The following VPS72 variants were observed in gnomAD, a reference collection of about 807,000 sequenced individuals.
VPS72 encodes vacuolar protein sorting 72 homolog.
VPS72 carries 27 observed loss-of-function variants against 38.9 expected under a neutral mutation model. That is an observed-to-expected ratio of 0.69 (90% CI 0.51 to 0.96). The LOEUF (loss-of-function observed/expected upper bound fraction) is 0.96, where lower values mean the gene tolerates loss of function less well. VPS72 is among the 40% of genes least tolerant of loss of function. VPS72 has a pLI of 0.00. For synonymous variants in VPS72, 173 were observed against 186.3 expected (o/e 0.93, Z 0.58); for missense variants, 360 against 479.5 (o/e 0.75, Z 2.33).
At position 151,184,325 on chromosome 1, in the gene VPS72, C is replaced by T. The variant is rs746057484; in HGVS notation, c.554G>A (p.Arg185Gln). The T allele has an allele frequency of 1.4e-5, 22 of 1,613,962 alleles. No homozygotes were observed. Among genetic ancestry groups the T allele is most frequent in the South Asian group, 1.1e-4 (10 of 91,076 alleles). ...TGAAACCACAGACTTACCCAGTGACCGTAAATTAAGCTCTTCTGTGATCTT... is the reference window on the plus strand; with the variant it reads ...TGAAACCACAGACTTACCCAGTGACTGTAAATTAAGCTCTTCTGTGATCTT... ...EAKITEELNL[R>Q]SLETYERLEA... The change falls in exon 4 of 6, where the codon CGG (arginine) becomes CAG (glutamine). Residue 185 changes from arginine (R) to glutamine (Q), a missense_variant. Physicochemically the swap from Arg to Gln is conservative, Grantham distance 43 (BLOSUM62 1). Transcript: ENST00000368892.
intron 4 of VPS72, among the ~76,000 whole-genome samples, chr1:151,180,658 G>C (rs1489968988): frequency 6.6e-6 from 1 of 152,070 alleles, no homozygotes; most frequent in Non-Finnish European, 1.5e-5. Context: ...GGATGGTCTG[G>C]AACTCCTGAC....
chr1:151,178,001 C>T lies in VPS72; in HGVS notation c.707G>A (p.Gly236Glu). The T allele has an allele frequency of 6.2e-7, 1 of 1,613,544 alleles. No homozygotes were observed. The highest frequency in any genetic ancestry group is 8.5e-7 in the Non-Finnish European group (1 of 1,179,786). ...GPKEENVDIE[G>E]LDPAPSVSAL... ...TCTTTTCCTCTTGAGATTCACTCAC[C>T]CTTCTATGTCAACGTTCTCTTCCTT... is the stretch of plus-strand genomic sequence containing the variant. Residue 236 changes from glycine (G) to glutamate (E), a missense_variant and splice_region_variant, in exon 5 of 6, where the codon GGA becomes GAA. This residue lies in a region of VPS72 where 294 missense variants were observed against 356.3 expected (regional missense o/e 0.83). Coordinates refer to ENST00000368892, the MANE Select transcript of VPS72 (RefSeq NM_005997.3).
chr1:151,184,288 A>C (rs765682395), intron 4 of VPS72, 29 bp downstream of exon 4: 4 of 1,608,530 alleles, frequency 2.5e-6, no homozygotes, highest in Non-Finnish European at 3.4e-6. Flanking sequence ...CAGCCCCTCT[A>C]CTCACTTTTT....
At chr1:151,180,715 C>T (rs1248752502) in intron 4 of VPS72, among the ~76,000 whole-genome samples, 3 of 152,150 alleles carry the variant, frequency 2.0e-5, no homozygotes, top group African/African-American at 7.2e-5. Flanking sequence ...GGATTACAGG[C>T]GTGAGCCACC....
In VPS72 at chr1:151,176,359, T is replaced by C. The variant is rs1684097067; in HGVS notation, c.*285A>G. 2 of 394,140 alleles carry C rather than the reference T, an allele frequency of 5.1e-6. No individual in the cohort carries two copies. Among genetic ancestry groups the C allele is most frequent in the Admixed American group, 8.5e-5 (2 of 23,448 alleles). The allele number at this position is 394,140 out of a possible 1,614,324, so 24.4% of individuals were successfully genotyped here. On this transcript the variant is annotated 3_prime_UTR_variant, in exon 6 of 6. Coordinates refer to ENST00000368892, the MANE Select transcript of VPS72 (RefSeq NM_005997.3). ...TTTAGTTGGAGGAATGAATACAATT[T>C]AGAAAGGACAGCTCATAATAAATGC...
chr1:151,186,580 G>A (rs932525717), intron 1 of VPS72, among the ~76,000 whole-genome samples: 6 of 151,706 alleles, frequency 4.0e-5, no homozygotes, highest in Non-Finnish European at 7.4e-5. Flanking sequence ...AAAAAAAAAG[G>A]ATGAAGAGGA....
At chr1:151,183,843 G>C (rs1488750035) in intron 4 of VPS72, among the ~76,000 whole-genome samples, 1 of 151,514 alleles carries the variant, frequency 6.6e-6, no homozygotes. Flanking sequence ...CTAATCTGCT[G>C]ACTTCACGTT....
In VPS72 at chr1:151,185,806, C is replaced by T; in HGVS notation, c.262G>A (p.Ala88Thr). ...TAGGACTCCCCCTGTACCTTATAGGCCTTGGTGACTACTCGGCGCTTCCTT... is the reference window on the plus strand; with the variant it reads ...TAGGACTCCCCCTGTACCTTATAGGTCTTGGTGACTACTCGGCGCTTCCTT... The part of the protein sequence containing the change: ...PRRKRRVVTK[A>T]YKEPLKSLRP... Residue 88 changes from alanine to threonine, a missense_variant, in exon 2 of 6, where the codon GCC becomes ACC. Physicochemically the swap from Ala to Thr is moderately conservative, Grantham distance 58 (BLOSUM62 0). This residue lies in a region of VPS72 where 66 missense variants were observed against 123.1 expected (regional missense o/e 0.54). Coordinates refer to ENST00000368892, the MANE Select transcript of VPS72 (RefSeq NM_005997.3). The T allele has an allele frequency of 3.1e-6, 5 of 1,614,138 alleles. No homozygotes were observed. The highest frequency in any genetic ancestry group is 4.2e-6 in the Non-Finnish European group (5 of 1,180,004).
intron 4 of VPS72, 37 bp downstream of exon 4, chr1:151,184,280 G>A (rs776429392): frequency 6.2e-7 from 1 of 1,605,844 alleles, no homozygotes; most frequent in Non-Finnish European, 8.5e-7. Flanking sequence ...ATGCCCCTCA[G>A]CCCCTCTACT....
intron 1 of VPS72, among the ~76,000 whole-genome samples, chr1:151,189,389 T>C (rs1684414772): frequency 6.6e-6 from 1 of 152,208 alleles, no homozygotes; most frequent in African/African-American, 2.4e-5. Context: ...AGACCATCTC[T>C]AACTTTATAC....
In VPS72 at chr1:151,176,715, C is replaced by T. The variant is rs1347191136; in HGVS notation, c.1024G>A (p.Gly342Ser). ...LPPTASALGP[G>S]PPPPEPLPGS... is the part of the protein sequence containing the mutation. The stretch of plus-strand genomic sequence containing the variant: ...GGGAGGGGCTCAGGAGGTGGCGGGC[C>T]GGGGCCCAGGGCTGAGGCAGTGGGC... Residue 342 changes from glycine (G) to serine (S), a missense_variant, in exon 6 of 6, where the codon GGC (glycine) becomes AGC (serine). Gly to Ser is a moderately conservative substitution (Grantham distance 56). Around this residue, in one of 2 missense-constraint regions of VPS72, gnomAD observed 294 missense variants for 356.3 expected, o/e 0.83. Transcript: ENST00000368892. 8.1e-6 allele frequency: 13 copies of T among 1,614,108 alleles called. No individual in the cohort carries two copies. Among genetic ancestry groups the T allele is most frequent in the South Asian group, 6.6e-5 (6 of 91,082 alleles).
At position 151,185,576 on chromosome 1, in the gene VPS72, A is replaced by G. The variant is rs1290602672; in HGVS notation, c.315T>C (p.Ala105=). 2.5e-6 allele frequency: 4 copies of G among 1,614,096 alleles called. No individual in the cohort carries two copies. The highest frequency in any genetic ancestry group is 2.7e-5 in the African/African-American group (2 of 74,940). ...SLRPRKVNTP[A]GSSQKAREEK... ...CTTCTCGCGCCTTCTGAGAGCTACC[A>G]GCCGGGGTGTTGACCTTTCGAGGCC... Residue 105 remains alanine, a synonymous_variant, in exon 3 of 6, where the codon GCT becomes GCC. Coordinates refer to ENST00000368892, the MANE Select transcript of VPS72 (RefSeq NM_005997.3).
Position 151,184,344 on chromosome 1 carries a change from T to C in VPS72, c.535A>G (p.Thr179Ala). The C allele has an allele frequency of 6.2e-7, 1 of 1,614,122 alleles. No individual in the cohort carries two copies. Among genetic ancestry groups the C allele is most frequent in the Non-Finnish European group, 8.5e-7 (1 of 1,180,040 alleles). The change falls in exon 4 of 6, where the codon ACA becomes GCA. Residue 179 changes from threonine (T) to alanine (A), a missense_variant. By Grantham distance (58) the Thr-to-Ala change is moderately conservative. Around this residue, in one of 2 missense-constraint regions of VPS72, gnomAD observed 294 missense variants for 356.3 expected, o/e 0.83. Coordinates refer to ENST00000368892, the MANE Select transcript of VPS72 (RefSeq NM_005997.3). ...AGTGACCGTAAATTAAGCTCTTCTG[T>C]GATCTTGGCCTCCCGGAGCAGTTCC... ...QEELLREAKI[T>A]EELNLRSLET...
intron 4 of VPS72, 36 bp downstream of exon 4, chr1:151,184,281 C>A (rs1353538789): frequency 2.5e-6 from 4 of 1,605,462 alleles, no homozygotes; most frequent in Non-Finnish European, 3.4e-6. Context: ...TGCCCCTCAG[C>A]CCCTCTACTC....
chr1:151,184,066 G>T (rs755132821), intron 4 of VPS72, among the ~76,000 whole-genome samples: 1 of 152,102 alleles, frequency 6.6e-6, no homozygotes, highest in Non-Finnish European at 1.5e-5. Flanking sequence ...TAAAGCAAAT[G>T]AATAGCAGAA....
chr1:151,179,691 G>C lies in VPS72; in HGVS notation c.563-1546C>G, dbSNP rs145151395. 7.6e-3 allele frequency among the ~76,000 whole-genome samples: 1,150 copies of C among 151,926 alleles called. 25 individuals are homozygous for C. Among genetic ancestry groups the C allele is most frequent in the African/African-American group, 0.027 (1,114 of 41,424 alleles). ...GCAGAGCACCTGAGGTCGGGAGTTT[G>C]AGACCAGCCTGACCAACTTGGAGAA... is the stretch of plus-strand genomic sequence containing the variant. On this transcript the variant is annotated intron_variant, in intron 4 of 5. Coordinates refer to ENST00000368892, the MANE Select transcript of VPS72 (RefSeq NM_005997.3).
In VPS72 at chr1:151,176,446, T is replaced by C. The variant is rs587628356; in HGVS notation, c.*198A>G. 1.1e-3 allele frequency: 990 copies of C among 902,700 alleles called. 13 individuals carry two copies. Among genetic ancestry groups the C allele is most frequent in the Non-Finnish European group, 9.6e-5 (59 of 612,078 alleles). 55.9% of individuals were successfully genotyped at this position (902,700 alleles called of 1,614,324 possible). On this transcript the variant is annotated 3_prime_UTR_variant, in exon 6 of 6. Coordinates refer to ENST00000368892, the MANE Select transcript of VPS72 (RefSeq NM_005997.3). ...ATACTTCTTGCTCCCAACCCTAGAC[T>C]GGACACCAGACAAAAGGGATCTTTC...
chr1:151,183,820 A>G (rs1286858427), intron 4 of VPS72, among the ~76,000 whole-genome samples: 4 of 152,058 alleles, frequency 2.6e-5, no homozygotes, highest in Non-Finnish European at 5.9e-5. Flanking sequence ...AAAGCAATTT[A>G]TCTCATGAAG....
At chr1:151,186,151 C>T (rs901053617) in intron 1 of VPS72, among the ~76,000 whole-genome samples, 1 of 152,154 alleles carries the variant, frequency 6.6e-6, no homozygotes, top group Admixed American at 6.6e-5. Flanking sequence ...TAATTGATAG[C>T]CCTTTACCTG....
Sources: allele counts gnomAD v4.1 joint callset (sites outside exome capture counted in the v4.1 genomes callset), GRCh38; gene constraint gnomAD v4.1.1; regional missense constraint gnomAD v4.1.1; transcripts MANE v1.5; gene names NCBI Gene and HGNC (gene_info 2026-07-23, HGNC 2026-07-21).